Variants in RGPD3 observed in about 807,000 individuals in gnomAD.
RGPD3 encodes the protein ranBP2-like and GRIP domain-containing protein 3.
Under a neutral mutation model 154.5 loss-of-function variants are expected in RGPD3, and 62 were observed. The observed-to-expected ratio is 0.40, with a 90% CI of 0.33 to 0.50. The LOEUF is 0.50. Among genes scored for constraint, RGPD3 ranks in the 20% least tolerant of loss-of-function variants. RGPD3 has a pLI of 0.59. For missense variants in RGPD3, 919 were observed against 1,716.8 expected (o/e 0.54, Z 8.21); for synonymous variants, 308 against 607.0 (o/e 0.51, Z 7.24).
chr2:106,445,224 G>T (rs1373345226), intron 7 of RGPD3, among the ~76,000 whole-genome samples: 2 of 146,036 alleles, frequency 1.4e-5, no homozygotes, highest in Non-Finnish European at 3.0e-5. Context: ...AGGAGGCGGA[G>T]CTTGCAGTGA....
At chr2:106,469,409 G>A (rs76294084), upstream of RGPD3, among the ~76,000 whole-genome samples, 2 of 152,136 alleles carry the variant, frequency 1.3e-5, no homozygotes, top group Non-Finnish European at 2.9e-5. Flanking sequence ...ACACTCTGAC[G>A]CTTCTCCAAT....
intron 9 of RGPD3, among the ~76,000 whole-genome samples, chr2:106,438,610 T>C (rs941943770): frequency 4.6e-5 from 7 of 151,918 alleles, no homozygotes; most frequent in African/African-American, 1.2e-4. Flanking sequence ...GATGAAACCC[T>C]GTCTCTACTA....
intron 7 of RGPD3, among the ~76,000 whole-genome samples, chr2:106,441,843 GAA>G (rs1214169000): frequency 9.1e-6 from 1 of 109,750 alleles, no homozygotes; most frequent in Non-Finnish European, 1.7e-5. Context: ...CGGCCTGGGT[GAA>G]AGAGTGAGAC....
Position 106,441,117 on chromosome 2 carries a change from T to A in RGPD3, c.1066+176A>T, listed in dbSNP as rs558496244. ...AACAATATCAAATATTCATTTTTTT[T>A]AAAGAATGTGCTATTTCTTCGCATC... On this transcript the variant is annotated intron_variant, in intron 8 of 22. Coordinates refer to ENST00000409886, the MANE Select transcript of RGPD3 (RefSeq NM_001144013.2). 1.4e-4 allele frequency among the ~76,000 whole-genome samples: 21 copies of A among 151,584 alleles called. No individual in the cohort carries two copies. The South Asian group carries it at 1.5e-3, about 11-fold the overall frequency.
chr2:106,466,361 G>A (rs1225991290), intron 1 of RGPD3, among the ~76,000 whole-genome samples: 16 of 149,764 alleles, frequency 1.1e-4, no homozygotes, highest in Admixed American at 6.6e-4. Context: ...CATCGAGGCC[G>A]CCGCCGGGCC....
At chr2:106,405,873 TC>T (rs1256529983) in intron 22 of RGPD3, among the ~76,000 whole-genome samples, 1 of 149,074 alleles carries the variant, frequency 6.7e-6, no homozygotes, top group Non-Finnish European at 1.5e-5. Flanking sequence ...GAAATGATTA[TC>T]TACAATCTTA....
chr2:106,424,993 T>G lies in RGPD3; in HGVS notation c.2974A>C (p.Asn992His). Residue 992 changes from asparagine to histidine, a missense_variant, in exon 20 of 23, where the codon AAT (asparagine) becomes CAT (histidine). Transcript: ENST00000409886. ...EGFQFGKKDLNFKGFSGAGEK... is the reference protein window; with the variant it reads ...EGFQFGKKDLHFKGFSGAGEK... The stretch of plus-strand genomic sequence containing the variant: ...CCAGCACCTGAAAATCCCTTGAAAT[T>G]GAGGTCTTTTTTGCCAAACTGAAAT... 1 of 1,611,920 alleles carries G rather than the reference T, an allele frequency of 6.2e-7. No homozygotes were observed.
chr2:106,461,483 C>T (rs1184930869), intron 1 of RGPD3, among the ~76,000 whole-genome samples: 2 of 152,070 alleles, frequency 1.3e-5, no homozygotes, highest in Admixed American at 6.6e-5. Flanking sequence ...AGCAGGAGGC[C>T]GTGAAATTTT....
At chr2:106,463,105 C>A (rs529049650) in intron 1 of RGPD3, among the ~76,000 whole-genome samples, 139 of 151,898 alleles carry the variant, frequency 9.2e-4, no homozygotes, top group African/African-American at 2.3e-3. Context: ...TTTCAGAAAA[C>A]CTTTGTTACC....
At chr2:106,451,087 C>CAAAAA (rs10690405) in intron 6 of RGPD3, among the ~76,000 whole-genome samples, 4 of 108,688 alleles carry the variant, frequency 3.7e-5, no homozygotes, top group African/African-American at 1.6e-4. Context: ...GACTCCCTCT[C>CAAAAA]AAAAAAAAAA....
chr2:106,468,291 C>G lies in RGPD3; in HGVS notation c.-3G>C. 1.9e-6 allele frequency: 3 copies of G among 1,604,162 alleles called. No homozygotes were observed. The highest frequency in any genetic ancestry group is 2.5e-6 in the Non-Finnish European group (3 of 1,176,806). ...CCGTAGGCCTTGCTGCAACTCATCG[C>G]GCCACCAACCTGGCTCCCGAGATGC... On this transcript the variant is annotated 5_prime_UTR_variant, in exon 1 of 23. Transcript: ENST00000409886.
At chr2:106,413,522 G>T (rs1301084185) in intron 21 of RGPD3, among the ~76,000 whole-genome samples, 1 of 152,102 alleles carries the variant, frequency 6.6e-6, no homozygotes, top group Non-Finnish European at 1.5e-5. Context: ...CTATGAGATA[G>T]TTTCAAAGCT....
chr2:106,467,041 C>T (rs1678633604), intron 1 of RGPD3, among the ~76,000 whole-genome samples: 1 of 128,138 alleles, frequency 7.8e-6, no homozygotes, highest in Non-Finnish European at 1.7e-5. Flanking sequence ...ACAGAGCGCG[C>T]CAGGTAACAG....
intron 7 of RGPD3, among the ~76,000 whole-genome samples, chr2:106,444,426 C>CA (rs1230612056): frequency 1.8e-5 from 1 of 54,606 alleles, no homozygotes; most frequent in Non-Finnish European, 3.7e-5. Flanking sequence ...TTTGCATATG[C>CA]AAAAAATATT....
chr2:106,420,357 A>T lies in RGPD3; in HGVS notation c.4924+2686T>A, dbSNP rs1046590219. 2.6e-5 allele frequency among the ~76,000 whole-genome samples: 4 copies of T among 151,968 alleles called. 1 individual carries two copies. The highest frequency in any genetic ancestry group is 1.9e-4 in the East Asian group (1 of 5,188). ...AAGGGCAAAAAATTAGAAACAGAAA[A>T]AACTTCTATATGCAACCTGTTCTGA... On this transcript the variant is annotated intron_variant, in intron 20 of 22. Transcript: ENST00000409886.
intron 12 of RGPD3, among the ~76,000 whole-genome samples, 184 bp downstream of exon 12, chr2:106,435,939 C>T (rs1413189490): frequency 0.023 from 3,418 of 147,172 alleles, no homozygotes; most frequent in African/African-American, 0.086. Context: ...TCACTGTGTG[C>T]CAGGCATTGC....
chr2:106,409,004 A>G (rs1676593146), intron 22 of RGPD3, among the ~76,000 whole-genome samples: 1 of 152,002 alleles, frequency 6.6e-6, no homozygotes, highest in East Asian at 2.0e-4. Flanking sequence ...TTTGATTTTA[A>G]AAAAATATTC....
chr2:106,443,842 C>T (rs1447064611), intron 7 of RGPD3, among the ~76,000 whole-genome samples: 1 of 118,492 alleles, frequency 8.4e-6, no homozygotes, highest in African/African-American at 3.2e-5. Flanking sequence ...ACTACAGGCA[C>T]CCGCCACCAT....
In RGPD3 at chr2:106,403,992, C is replaced by T. The variant is rs1254990460; in HGVS notation, c.*1227G>A. Among the ~76,000 whole-genome samples, 2 of 152,192 alleles carry T rather than the reference C, an allele frequency of 1.3e-5. No homozygotes were observed. Among genetic ancestry groups the T allele is most frequent in the Non-Finnish European group, 2.9e-5 (2 of 68,048 alleles). The stretch of plus-strand genomic sequence containing the variant: ...TATCCAATTTTTGATTTAAGAACAA[C>T]ACAGTTTGGATCTAGTCATTAAAAC... On this transcript the variant is annotated 3_prime_UTR_variant, in exon 23 of 23. Transcript: ENST00000409886.
Sources: gnomAD v4.1 joint callset for allele counts (sites outside exome capture counted in the v4.1 genomes callset) on GRCh38, gnomAD v4.1.1 for gene constraint, MANE v1.5 for transcripts, NCBI Gene and HGNC (gene_info 2026-07-23, HGNC 2026-07-21) for gene names.